Variants in GTSE1 observed in about 807,000 individuals in gnomAD.
GTSE1 encodes the protein G2 and S-phase expressed 1.
Under a neutral mutation model 60.5 loss-of-function variants are expected in GTSE1, and 52 were observed. That is an observed-to-expected ratio of 0.86 (90% confidence interval 0.69 to 1.08). GTSE1 has a LOEUF of 1.08. Ranked by LOEUF, GTSE1 falls within the 50% of genes least tolerant of loss-of-function variation. The pLI, the probability that GTSE1 is intolerant of heterozygous loss-of-function variation, is 0.00. For synonymous variants in GTSE1, 368 were observed against 386.5 expected, an observed-to-expected ratio of 0.95 and a Z score of 0.56; for missense variants, 937 against 961.8, an observed-to-expected ratio of 0.97 and a Z score of 0.34.
At chr22:46,307,720 C>T (rs1369526913) in intron 2 of GTSE1, among the ~76,000 whole-genome samples, 1 of 152,008 alleles carries the variant, frequency 6.6e-6, no homozygotes, top group Non-Finnish European at 1.5e-5. Flanking sequence ...CTAGGCTGGT[C>T]TTGATCTCTT....
Position 46,308,218 on chromosome 22 carries a change from G to A in GTSE1, c.137+11G>A, listed in dbSNP as rs1043771699. The A allele has an allele frequency of 1.2e-6, 2 of 1,611,966 alleles. No homozygotes were observed. Among genetic ancestry groups the A allele is most frequent in the East Asian group, 2.2e-5 (1 of 44,870 alleles). The stretch of plus-strand genomic sequence containing the variant: ...ATTGTCTTCTTCGAGGTAAACAAAT[G>A]AGTTTTCTTCCCTTGCCTTGGGCAT... On this transcript the variant is annotated intron_variant, in intron 3 of 11. Transcript: ENST00000454366.
Position 46,326,503 on chromosome 22 carries a change from T to G in GTSE1, c.1573T>G (p.Trp525Gly). The G allele has an allele frequency of 6.2e-7, 1 of 1,614,052 alleles. No homozygotes were observed. Among genetic ancestry groups the G allele is most frequent in the South Asian group, 1.1e-5 (1 of 91,062 alleles). Reference protein sequence around the residue: ...GPAPQSLLSAWRVSALPTPAS... With the variant: ...GPAPQSLLSAGRVSALPTPAS... ...AGCACCACAAAGCCTGCTGAGCGCATGGCGTGTGTCAGCCTTGCCCACACC... is the reference window on the plus strand; with the variant it reads ...AGCACCACAAAGCCTGCTGAGCGCAGGGCGTGTGTCAGCCTTGCCCACACC... The change falls in exon 9 of 12, where the codon TGG (tryptophan) becomes GGG (glycine). Residue 525 changes from tryptophan to glycine, a missense_variant. Transcript: ENST00000454366.
chr22:46,326,685 T>G lies in GTSE1; in HGVS notation c.1724+31T>G, dbSNP rs761705920. 2.0e-5 allele frequency: 30 copies of G among 1,508,368 alleles called. No homozygotes were observed. In the Admixed American group the frequency reaches 5.4e-4, roughly 27 times the overall value. 93.4% of individuals were successfully genotyped at this position (1,508,368 alleles called of 1,614,324 possible). ...ACACGAAGGTGGTAATAAATTGGTC[T>G]CAAATTCCTAGGCTTGCTGTCCCAG... is the stretch of plus-strand genomic sequence containing the variant. On this transcript the variant is annotated intron_variant, in intron 9 of 11. Coordinates refer to ENST00000454366, the MANE Select transcript of GTSE1 (RefSeq NM_016426.7).
intron 2 of GTSE1, among the ~76,000 whole-genome samples, chr22:46,301,363 C>T (rs1217974325): frequency 1.3e-5 from 2 of 152,194 alleles, no homozygotes; most frequent in Admixed American, 6.5e-5. Flanking sequence ...TGATAATTTA[C>T]ACCTTCCCCA....
chr22:46,301,557 G>A (rs9615943), intron 2 of GTSE1, among the ~76,000 whole-genome samples: 4,731 of 150,366 alleles, frequency 0.031, 119 homozygotes, highest in South Asian at 0.091. Flanking sequence ...GTGCGATCTC[G>A]GCTCACTGCA....
At position 46,328,677 on chromosome 22, in the gene GTSE1, C is replaced by T. The variant is rs986383333; in HGVS notation, c.1725-11C>T. On this transcript the variant is annotated splice_polypyrimidine_tract_variant and intron_variant, in intron 9 of 11. Transcript: ENST00000454366. ...GAGACATTTTCTCATAAGTTTTTTT[C>T]CTTCCCACAGAACTGAACCAACAAG... is the stretch of plus-strand genomic sequence containing the variant. The T allele has an allele frequency of 1.3e-5, 20 of 1,596,312 alleles. No homozygotes were observed. The highest frequency in any genetic ancestry group is 1.6e-5 in the Non-Finnish European group (19 of 1,166,868).
At chr22:46,302,809 TGTG>T (rs1274058940) in intron 2 of GTSE1, among the ~76,000 whole-genome samples, 1 of 152,194 alleles carries the variant, frequency 6.6e-6, no homozygotes, top group Non-Finnish European at 1.5e-5. Context: ...TTAGGCCTGA[TGTG>T]GTGTGAGGCA....
Position 46,321,436 on chromosome 22 carries a change from A to G in GTSE1, c.1433-1754A>G, listed in dbSNP as rs563739168. Among the ~76,000 whole-genome samples, 1 of 151,966 alleles carries G rather than the reference A, an allele frequency of 6.6e-6. No homozygotes were observed. Among genetic ancestry groups the G allele is most frequent in the Non-Finnish European group, 1.5e-5 (1 of 67,956 alleles). On this transcript the variant is annotated intron_variant, in intron 7 of 11. Coordinates refer to ENST00000454366, the MANE Select transcript of GTSE1 (RefSeq NM_016426.7). The surrounding 1 kb of genome is among the most constrained non-coding windows in gnomAD (Gnocchi z 4.0). ...AAAGAAAAGAAACAAACAAACTGAA[A>G]ACGGAGGTGGAGAGAGGGTGGGAGC...
In GTSE1 at chr22:46,297,572, G is replaced by A. The variant is rs1355400248; in HGVS notation, c.79+93G>A. The A allele has an allele frequency of 3.3e-6, 3 of 897,326 alleles. No individual in the cohort carries two copies. Among genetic ancestry groups the A allele is most frequent in the Non-Finnish European group, 5.4e-6 (3 of 555,980 alleles). The allele number at this position is 897,326 out of a possible 1,614,324, so 55.6% of individuals were successfully genotyped here. A position where few individuals can be genotyped will look rare whatever the true frequency, so the allele number is the denominator to read the frequency against. ...GTTTCCCTGAGAAATTCTTTCTCAA[G>A]TGCTCGACTTGTACTCTGCACCTGT... On this transcript the variant is annotated intron_variant, in intron 2 of 11. Coordinates refer to ENST00000454366, the MANE Select transcript of GTSE1 (RefSeq NM_016426.7). This position sits in a 1 kb window ranked among gnomAD's most constrained non-coding sequence, Gnocchi z 4.9.
At position 46,314,503 on chromosome 22, in the gene GTSE1, G is replaced by A. The variant is rs1317306789; in HGVS notation, c.1051+490G>A. Among the ~76,000 whole-genome samples, 2 of 152,070 alleles carry A rather than the reference G, an allele frequency of 1.3e-5. No homozygotes were observed. The highest frequency in any genetic ancestry group is 6.6e-5 in the Admixed American group (1 of 15,252). ...CCTTCGCCTTTCTGCTCTTCAGAGC[G>A]AAATCCTCTTCGAGGTGCATTGGCC... is the stretch of plus-strand genomic sequence containing the variant. On this transcript the variant is annotated intron_variant, in intron 6 of 11. Transcript: ENST00000454366. This position sits in a 1 kb window ranked among gnomAD's most constrained non-coding sequence, Gnocchi z 7.1.
In GTSE1 at chr22:46,330,287, C is replaced by T. The variant is rs891962326; in HGVS notation, c.*157C>T. On this transcript the variant is annotated 3_prime_UTR_variant, in exon 12 of 12. Coordinates refer to ENST00000454366, the MANE Select transcript of GTSE1 (RefSeq NM_016426.7). The surrounding 1 kb of genome is among the most constrained non-coding windows in gnomAD (Gnocchi z 6.0). ...CTTGAGCCCAGGAGTTCGGGACCAG[C>T]CTGGGAAATATAGTGAAACTCCTGT... 3 of 591,420 alleles carry T rather than the reference C, an allele frequency of 5.1e-6. No individual in the cohort carries two copies. Among genetic ancestry groups the T allele is most frequent in the Non-Finnish European group, 9.2e-6 (3 of 326,092 alleles). 36.6% of individuals were successfully genotyped at this position (591,420 alleles called of 1,614,324 possible).
chr22:46,312,230 C>T lies in GTSE1; in HGVS notation c.852C>T (p.Ala284=), dbSNP rs756225980. 11 of 1,614,058 alleles carry T rather than the reference C, an allele frequency of 6.8e-6. No individual in the cohort carries two copies. In the African/African-American group the frequency reaches 1.1e-4, roughly 16 times the overall value. The part of the protein sequence containing the change: ...SHRDVLPDKP[A]PGAVNVPAAG... ...GGGATGTTCTCCCTGACAAACCTGCCCCGGGTGCTGTCAATGTGCCGGCCG... is the reference window on the plus strand; with the variant it reads ...GGGATGTTCTCCCTGACAAACCTGCTCCGGGTGCTGTCAATGTGCCGGCCG... Residue 284 remains alanine (A), a synonymous_variant, in exon 5 of 12, where the codon GCC becomes GCT. Transcript: ENST00000454366.
Position 46,313,811 on chromosome 22 carries a change from A to C in GTSE1, c.928-79A>C. ...CGTGAGCCACCGTGCCCAGCCAAAA[A>C]CCCCTTACTTTTGCAGACACAAGTA... is the stretch of plus-strand genomic sequence containing the variant. On this transcript the variant is annotated intron_variant, in intron 5 of 11. Transcript: ENST00000454366. This position sits in a 1 kb window ranked among gnomAD's most constrained non-coding sequence, Gnocchi z 4.4. 1.3e-6 allele frequency: 2 copies of C among 1,554,318 alleles called. No homozygotes were observed. The highest frequency in any genetic ancestry group is 1.8e-6 in the Non-Finnish European group (2 of 1,131,192).
Position 46,309,041 on chromosome 22 carries a change from G to A in GTSE1, c.762+98G>A. 7.6e-7 allele frequency: 1 copy of A among 1,320,050 alleles called. No individual in the cohort carries two copies. 81.8% of individuals were successfully genotyped at this position (1,320,050 alleles called of 1,614,324 possible). A position where few individuals can be genotyped will look rare whatever the true frequency, so the allele number is the denominator to read the frequency against. ...ATGCGGAAAGCCTCAGAGGTGGCGA[G>A]TCTCTGAGGCCTACAAAACACAGGA... On this transcript the variant is annotated intron_variant, in intron 4 of 11. Coordinates refer to ENST00000454366, the MANE Select transcript of GTSE1 (RefSeq NM_016426.7). The surrounding 1 kb of genome is among the most constrained non-coding windows in gnomAD (Gnocchi z 6.2).
At position 46,318,187 on chromosome 22, in the gene GTSE1, T is replaced by C. The variant is rs1276725217; in HGVS notation, c.1432+1775T>C. Among the ~76,000 whole-genome samples the C allele has an allele frequency of 1.3e-5, 2 of 152,244 alleles. No individual in the cohort carries two copies. Among genetic ancestry groups the C allele is most frequent in the Non-Finnish European group, 2.9e-5 (2 of 68,046 alleles). On this transcript the variant is annotated intron_variant, in intron 7 of 11. Coordinates refer to ENST00000454366, the MANE Select transcript of GTSE1 (RefSeq NM_016426.7). This position sits in a 1 kb window ranked among gnomAD's most constrained non-coding sequence, Gnocchi z 4.8. ...TTTTCATGAATTTCTTGAACAATTG[T>C]GTGCAATGCAGAAAGTTCTCAGAGC...
At position 46,309,883 on chromosome 22, in the gene GTSE1, GC is replaced by G. The variant is rs1328186380; in HGVS notation, c.762+941del. On this transcript the variant is annotated intron_variant, in intron 4 of 11. Coordinates refer to ENST00000454366, the MANE Select transcript of GTSE1 (RefSeq NM_016426.7). The surrounding 1 kb of genome is among the most constrained non-coding windows in gnomAD (Gnocchi z 6.2). Reference sequence around the variant, plus strand: ...CTAGAATGAGAGTGGGATGGGTCCTGCTGTGTGGAGCACACGTGGACTCGGG... The same window carrying G: ...CTAGAATGAGAGTGGGATGGGTCCTGTGTGTGGAGCACACGTGGACTCGGG... Among the ~76,000 whole-genome samples, 2 of 152,262 alleles carry G rather than the reference GC, an allele frequency of 1.3e-5. No homozygotes were observed. Among genetic ancestry groups the G allele is most frequent in the African/African-American group, 4.8e-5 (2 of 41,466 alleles).
At position 46,308,753 on chromosome 22, in the gene GTSE1, C is replaced by G; in HGVS notation, c.572C>G (p.Pro191Arg). The G allele has an allele frequency of 6.2e-7, 1 of 1,613,216 alleles. No homozygotes were observed. The highest frequency in any genetic ancestry group is 8.5e-7 in the Non-Finnish European group (1 of 1,180,020). Residue 191 changes from proline to arginine, a missense_variant, in exon 4 of 12, where the codon CCC becomes CGC. Physicochemically the swap from Pro to Arg is moderately radical, Grantham distance 103 (BLOSUM62 -2). Coordinates refer to ENST00000454366, the MANE Select transcript of GTSE1 (RefSeq NM_016426.7). ...PRLLASSPAL[P>R]SSGAQARLTR... The stretch of plus-strand genomic sequence containing the variant: ...CTCTTGGCCTCCTCCCCGGCCCTGC[C>G]CAGCTCTGGTGCCCAGGCCCGCCTC...
In GTSE1 at chr22:46,319,539, C is replaced by T. The variant is rs148645040; in HGVS notation, c.1432+3127C>T. 1.4e-3 allele frequency among the ~76,000 whole-genome samples: 213 copies of T among 152,160 alleles called. 2 individuals carry two copies. The highest frequency in any genetic ancestry group is 0.011 in the Admixed American group (170 of 15,282). On this transcript the variant is annotated intron_variant, in intron 7 of 11. Transcript: ENST00000454366. This position sits in a 1 kb window ranked among gnomAD's most constrained non-coding sequence, Gnocchi z 5.0. Reference sequence around the variant, plus strand: ...GTGACAGGAGGGCTGGAAGAGGCAGCGGGCAGAGTCCACGGCCCCATTTTG... The same window carrying T: ...GTGACAGGAGGGCTGGAAGAGGCAGTGGGCAGAGTCCACGGCCCCATTTTG...
chr22:46,315,972 T>G, intron 6 of GTSE1, 60 bp from the exon 7 acceptor site: 1 of 1,286,478 alleles, frequency 7.8e-7, no homozygotes, highest in Non-Finnish European at 1.1e-6. Flanking sequence ...AACTTCTGTG[T>G]GTTTGTTAAA....
Sources: gnomAD v4.1 joint callset for allele counts (sites outside exome capture counted in the v4.1 genomes callset) on GRCh38, gnomAD v4.1.1 for gene constraint, Gnocchi (gnomAD v3.1) non-coding constraint, MANE v1.5 for transcripts, NCBI Gene and HGNC (gene_info 2026-07-23, HGNC 2026-07-21) for gene names.